The following TTLL5 variants were observed in gnomAD, a reference collection of about 807,000 sequenced individuals.
The protein encoded by TTLL5 is tubulin tyrosine ligase like 5, also known as tubulin polyglutamylase TTLL5.
TTLL5 carries 132 observed loss-of-function variants against 168.4 expected under a neutral mutation model. The ratio of observed to expected loss-of-function variants is 0.78; its 90% CI spans 0.68 to 0.91. The LOEUF (loss-of-function observed/expected upper bound fraction) is 0.91, where lower values mean the gene tolerates loss of function less well. Among genes scored for constraint, TTLL5 ranks in the 40% least tolerant of loss-of-function variants. The probability of loss-of-function intolerance (pLI) is 0.00; values close to 1 mark genes in which losing one functional copy is unlikely to be tolerated. For synonymous variants in TTLL5, 546 were observed against 558.6 expected (o/e 0.98, Z 0.32); for missense variants, 1,545 against 1,581.5 (o/e 0.98, Z 0.39).
intron 31 of TTLL5, among the ~76,000 whole-genome samples, chr14:75,946,528 G>A (rs1311436034): frequency 1.3e-5 from 2 of 152,226 alleles, no homozygotes; most frequent in African/African-American, 4.8e-5. Flanking sequence ...CAAAATGTGA[G>A]TTGACTCAAT....
chr14:75,717,848 T>C lies in TTLL5; in HGVS notation c.741-13T>C, dbSNP rs371336627. The C allele has an allele frequency of 6.2e-7, 1 of 1,611,934 alleles. No individual in the cohort carries two copies. Among genetic ancestry groups the C allele is most frequent in the Non-Finnish European group, 8.5e-7 (1 of 1,178,482 alleles). On this transcript the variant is annotated splice_polypyrimidine_tract_variant and intron_variant, in intron 9 of 31. Transcript: ENST00000298832. ...CTCTGTTCCTGGCATTTAACCTGTT[T>C]CCCTTCTATCAGGTTTGCAACTGTG... is the stretch of plus-strand genomic sequence containing the variant.
chr14:75,832,728 T>C (rs1013470139), intron 28 of TTLL5, among the ~76,000 whole-genome samples: 1 of 152,194 alleles, frequency 6.6e-6, no homozygotes, highest in East Asian at 1.9e-4. Flanking sequence ...CAAAGACTAA[T>C]CTCTCCCAGA....
At chr14:75,762,751 T>C (rs1890730997) in intron 18 of TTLL5, among the ~76,000 whole-genome samples, 1 of 152,256 alleles carries the variant, frequency 6.6e-6, no homozygotes, top group South Asian at 2.1e-4. Context: ...TCTCCATATC[T>C]GTGAGCTTTT....
intron 28 of TTLL5, among the ~76,000 whole-genome samples, chr14:75,826,328 C>T (rs1895132036): frequency 6.6e-6 from 1 of 151,640 alleles, no homozygotes; most frequent in Non-Finnish European, 1.5e-5. Flanking sequence ...CACACACACA[C>T]ACACGAGTCT....
At chr14:75,837,607 TCCCC>T (rs1313032858) in intron 28 of TTLL5, among the ~76,000 whole-genome samples, 1 of 152,032 alleles carries the variant, frequency 6.6e-6, no homozygotes, top group Admixed American at 6.5e-5. Flanking sequence ...CATTCTTCCC[TCCCC>T]CCAACGCCTG....
chr14:75,773,411 A>C (rs985635272), intron 21 of TTLL5, among the ~76,000 whole-genome samples: 13 of 152,208 alleles, frequency 8.5e-5, no homozygotes, highest in Admixed American at 3.3e-4. Context: ...CTTATGCTGG[A>C]GTAAATTGGC....
intron 31 of TTLL5, among the ~76,000 whole-genome samples, chr14:75,924,328 C>T (rs1236863499): frequency 6.6e-6 from 1 of 151,134 alleles, no homozygotes; most frequent in South Asian, 2.1e-4. Flanking sequence ...GTGTTTCTCG[C>T]AGAGGGGGAG....
intron 26 of TTLL5, among the ~76,000 whole-genome samples, chr14:75,784,061 A>G (rs1189837591): frequency 6.6e-6 from 1 of 152,198 alleles, no homozygotes; most frequent in Admixed American, 6.5e-5. Context: ...AAAATGTACA[A>G]TTCAGTAATT....
At chr14:75,945,625 G>T (rs1325878234) in intron 31 of TTLL5, among the ~76,000 whole-genome samples, 1 of 152,018 alleles carries the variant, frequency 6.6e-6, no homozygotes, top group African/African-American at 2.4e-5. Flanking sequence ...AAATGATTGG[G>T]AATGCAGCAC....
intron 29 of TTLL5, among the ~76,000 whole-genome samples, chr14:75,864,170 C>T (rs888540724): frequency 6.6e-6 from 1 of 152,002 alleles, no homozygotes; most frequent in African/African-American, 2.4e-5. Flanking sequence ...TTTATAACCT[C>T]CCATAGGGTC....
rs1354936334 is a variant in TTLL5 at position 75,773,927 on chromosome 14, T to TATATATAGAGAGAGAGAGAG, written c.2137-1556_2137-1555insTATATAGAGAGAGAGAGAGA. On this transcript the variant is annotated intron_variant, in intron 21 of 31. Transcript: ENST00000298832. Reference sequence around the variant, plus strand: ...AAATACATATATATATATATATATATAGAGAGAGAGAGAGAGAGAGAGAGA... The same window carrying TATATATAGAGAGAGAGAGAG: ...AAATACATATATATATATATATATATATATATAGAGAGAGAGAGAGAGAGAGAGAGAGAGAGAGAGAGAGA... Among the ~76,000 whole-genome samples, 4 of 21,122 alleles carry TATATATAGAGAGAGAGAGAG rather than the reference T, an allele frequency of 1.9e-4. 1 individual carries two copies. The highest frequency in any genetic ancestry group is 2.0e-3 in the East Asian group (2 of 1,006). The allele number at this position is 21,122 out of a possible 152,430, so 13.9% of individuals were successfully genotyped here. A position where few individuals can be genotyped will look rare whatever the true frequency, so the allele number is the denominator to read the frequency against.
chr14:75,813,103 A>C (rs190294390), intron 27 of TTLL5, among the ~76,000 whole-genome samples: 2 of 152,176 alleles, frequency 1.3e-5, no homozygotes, highest in African/African-American at 2.4e-5. Flanking sequence ...AAGTTATTTT[A>C]TCTCTCAACC....
At chr14:75,700,879 A>T (rs922823042) in intron 7 of TTLL5, among the ~76,000 whole-genome samples, 1 of 151,958 alleles carries the variant, frequency 6.6e-6, no homozygotes, top group Non-Finnish European at 1.5e-5. Flanking sequence ...TTTAACCAGG[A>T]TTTAGGCCTG....
At chr14:75,765,722 G>A (rs994239103) in intron 19 of TTLL5, among the ~76,000 whole-genome samples, 1 of 152,036 alleles carries the variant, frequency 6.6e-6, no homozygotes, top group Non-Finnish European at 1.5e-5. Flanking sequence ...AATTAGCTGG[G>A]TATGGTAACA....
chr14:75,786,876 T>A (rs994900480), intron 26 of TTLL5, among the ~76,000 whole-genome samples: 3 of 152,214 alleles, frequency 2.0e-5, no homozygotes, highest in African/African-American at 7.2e-5. Flanking sequence ...CTTATGCCTA[T>A]AATCCCAGCA....
At chr14:75,884,643 T>C (rs1386241502) in intron 30 of TTLL5, among the ~76,000 whole-genome samples, 1 of 152,222 alleles carries the variant, frequency 6.6e-6, no homozygotes, top group Non-Finnish European at 1.5e-5. Flanking sequence ...TGTGAGGCGT[T>C]GTTCCAGGAA....
intron 31 of TTLL5, among the ~76,000 whole-genome samples, chr14:75,947,046 G>C (rs1019205009): frequency 6.6e-6 from 1 of 152,128 alleles, no homozygotes; most frequent in Non-Finnish European, 1.5e-5. Flanking sequence ...AGGCCCTGGG[G>C]GCCAAGGAGA....
rs769796709 is a variant in TTLL5 at position 75,690,264 on chromosome 14, G to A, written c.444G>A (p.Lys148=). The change falls in exon 6 of 32, where the codon AAG becomes AAA. Residue 148 remains lysine (K), a synonymous_variant. Coordinates refer to ENST00000298832, the MANE Select transcript of TTLL5 (RefSeq NM_015072.5). Reference sequence around the variant, plus strand: ...GAATGCAGCATACACATGGATTCAAGGCTTTTCACATCCTCCCCCAGACCT... The same window carrying A: ...GAATGCAGCATACACATGGATTCAAAGCTTTTCACATCCTCCCCCAGACCT... The part of the protein sequence containing the change: ...IIRMQHTHGF[K]AFHILPQTFL... 6.2e-7 allele frequency: 1 copy of A among 1,612,196 alleles called. No homozygotes were observed. The highest frequency in any genetic ancestry group is 1.1e-5 in the South Asian group (1 of 90,660).
At chr14:75,785,966 C>T (rs1446609990) in intron 26 of TTLL5, among the ~76,000 whole-genome samples, 1 of 152,154 alleles carries the variant, frequency 6.6e-6, no homozygotes, top group Non-Finnish European at 1.5e-5. Flanking sequence ...ACTATCTTAA[C>T]ATCAGTCAAG....
Sources: gnomAD v4.1 joint callset for allele counts (sites outside exome capture counted in the v4.1 genomes callset) on GRCh38, gnomAD v4.1.1 for gene constraint, MANE v1.5 for transcripts, NCBI Gene and HGNC (gene_info 2026-07-23, HGNC 2026-07-21) for gene names.